Variants in AGPAT3 observed in about 807,000 individuals in gnomAD.
The protein encoded by AGPAT3 is 1-acylglycerol-3-phosphate O-acyltransferase 3.
AGPAT3 carries 5 observed loss-of-function variants against 47.3 expected under a neutral mutation model. The ratio of observed to expected loss-of-function variants is 0.11; its 90% CI spans 0.06 to 0.22. The LOEUF (loss-of-function observed/expected upper bound fraction) is 0.22. Among genes scored for constraint, AGPAT3 ranks in the 10% least tolerant of loss-of-function variants. The pLI is 1.00. For synonymous variants in AGPAT3, 212 were observed against 208.3 expected (o/e 1.02, Z -0.15); for missense variants, 315 against 493.0 (o/e 0.64, Z 3.42).
chr21:43,877,693 C>CT (rs1485772709), intron 1 of AGPAT3, among the ~76,000 whole-genome samples: 1 of 152,168 alleles, frequency 6.6e-6, no homozygotes, highest in Non-Finnish European at 1.5e-5. Flanking sequence ...ATCCGCCCGC[C>CT]TTGGCTTTCC....
intron 7 of AGPAT3, among the ~76,000 whole-genome samples, chr21:43,974,107 T>C (rs996852950): frequency 6.6e-6 from 1 of 151,694 alleles, no homozygotes; most frequent in Non-Finnish European, 1.5e-5. Flanking sequence ...GTGTGTATTA[T>C]GTATGTAGTA....
intron 2 of AGPAT3, among the ~76,000 whole-genome samples, chr21:43,945,538 C>T (rs1454423683): frequency 4.6e-5 from 7 of 152,102 alleles, no homozygotes; most frequent in African/African-American, 1.7e-4. Flanking sequence ...TTCAGGGAAC[C>T]CTGTTTCTGT....
chr21:43,986,697 C>T lies in AGPAT3; in HGVS notation c.*4305C>T, dbSNP rs1034805466. Among the ~76,000 whole-genome samples the T allele has an allele frequency of 6.6e-6, 1 of 152,162 alleles. No homozygotes were observed. The highest frequency in any genetic ancestry group is 6.5e-5 in the Admixed American group (1 of 15,268). On this transcript the variant is annotated 3_prime_UTR_variant, in exon 10 of 10. Transcript: ENST00000291572. ...AGGAAAATCTCTCTCTCTGGAGAAC[C>T]CACACAAACCATTGACCTGAGTGCG...
intron 1 of AGPAT3, among the ~76,000 whole-genome samples, chr21:43,879,682 A>G (rs1013403873): frequency 6.6e-6 from 1 of 152,112 alleles, no homozygotes; most frequent in African/African-American, 2.4e-5. Context: ...GCACAGTGGC[A>G]CGTGGACCTG....
chr21:43,957,810 A>G (rs2088562989), intron 2 of AGPAT3, among the ~76,000 whole-genome samples: 1 of 150,814 alleles, frequency 6.6e-6, no homozygotes, highest in South Asian at 2.1e-4. Flanking sequence ...TTTCCCCTCC[A>G]CACTGGGGTC....
chr21:43,910,282 T>C (rs1381289282), intron 2 of AGPAT3, among the ~76,000 whole-genome samples: 2 of 152,204 alleles, frequency 1.3e-5, no homozygotes, highest in Non-Finnish European at 1.5e-5. Context: ...GGTGCTGGTC[T>C]GCAGAGATTG....
At chr21:43,953,484 GT>G (rs1389741400) in intron 2 of AGPAT3, among the ~76,000 whole-genome samples, 1 of 152,228 alleles carries the variant, frequency 6.6e-6, no homozygotes, top group African/African-American at 2.4e-5. Context: ...AGGCAAGTGA[GT>G]TTTAGATGTT....
At chr21:43,874,992 T>A (rs1247767702) in intron 1 of AGPAT3, among the ~76,000 whole-genome samples, 1 of 152,198 alleles carries the variant, frequency 6.6e-6, no homozygotes. Flanking sequence ...TTTTTTTCTT[T>A]GTTTTTGAGA....
chr21:43,980,974 T>C lies in AGPAT3; in HGVS notation c.844-15T>C. On this transcript the variant is annotated splice_polypyrimidine_tract_variant and intron_variant, in intron 8 of 9. Coordinates refer to ENST00000291572, the MANE Select transcript of AGPAT3 (RefSeq NM_020132.5). ...AGAAGCCTCACGCTTCCTTTTTCTCTGTTGACTCTTCTAGGACGCGCTCCA... is the reference window on the plus strand; with the variant it reads ...AGAAGCCTCACGCTTCCTTTTTCTCCGTTGACTCTTCTAGGACGCGCTCCA... 2 of 1,610,028 alleles carry C rather than the reference T, an allele frequency of 1.2e-6. No individual in the cohort carries two copies. Among genetic ancestry groups the C allele is most frequent in the Middle Eastern group, 1.7e-4 (1 of 6,054 alleles).
chr21:43,893,207 A>G (rs939261774), intron 1 of AGPAT3, among the ~76,000 whole-genome samples: 7 of 152,218 alleles, frequency 4.6e-5, no homozygotes, highest in Admixed American at 4.6e-4. Flanking sequence ...CTTCACCTGC[A>G]CTTTTATGTG....
intron 1 of AGPAT3, among the ~76,000 whole-genome samples, chr21:43,879,139 C>T (rs2085798130): frequency 6.6e-6 from 1 of 152,064 alleles, no homozygotes; most frequent in Admixed American, 6.5e-5. Flanking sequence ...CACTCGAGGT[C>T]AGGAGTTCGA....
At chr21:43,977,841 C>T (rs1569108488) in intron 7 of AGPAT3, among the ~76,000 whole-genome samples, 1 of 151,230 alleles carries the variant, frequency 6.6e-6, no homozygotes, top group South Asian at 2.1e-4. Context: ...GAGCAGAGAT[C>T]GCACCAGTGC....
rs1434677615 is a variant in AGPAT3, at chr21:43,970,452, A to G, written c.511-201A>G. Among the ~76,000 whole-genome samples the G allele has an allele frequency of 6.6e-6, 1 of 151,280 alleles. No homozygotes were observed. Among genetic ancestry groups the G allele is most frequent in the Non-Finnish European group, 1.5e-5 (1 of 67,876 alleles). ...CTGGAGAGCTCTCCTGTGTGAATGA[A>G]CGTGTGTGACTGGAGTGCAGACTGT... On this transcript the variant is annotated intron_variant, in intron 5 of 9. Transcript: ENST00000291572. The surrounding 1 kb of genome is among the most constrained non-coding windows in gnomAD (Gnocchi z 5.8).
chr21:43,926,825 G>A (rs532800471), intron 2 of AGPAT3, among the ~76,000 whole-genome samples: 6 of 151,564 alleles, frequency 4.0e-5, no homozygotes, highest in African/African-American at 1.5e-4. Flanking sequence ...GCTGGGCGTG[G>A]TGGAGCATAC....
intron 1 of AGPAT3, among the ~76,000 whole-genome samples, chr21:43,901,281 C>T (rs1438694311): frequency 1.4e-5 from 2 of 146,962 alleles, no homozygotes; most frequent in African/African-American, 5.1e-5. Context: ...TATGATTATG[C>T]CACTGTACTC....
intron 2 of AGPAT3, 42 bp downstream of exon 2, chr21:43,904,061 T>TGA (rs1168688358): frequency 9.6e-6 from 1 of 103,886 alleles, no homozygotes; most frequent in African/African-American, 4.0e-5. Flanking sequence ...GCGCCGTGTG[T>TGA]GAGAGTGTGT....
chr21:43,872,603 A>G (rs1478227031), intron 1 of AGPAT3, among the ~76,000 whole-genome samples: 1 of 152,166 alleles, frequency 6.6e-6, no homozygotes, highest in African/African-American at 2.4e-5. Flanking sequence ...ATTTATTTGT[A>G]GATTTTGGGG....
intron 1 of AGPAT3, among the ~76,000 whole-genome samples, chr21:43,890,237 C>G (rs1426817466): frequency 6.6e-6 from 1 of 152,058 alleles, no homozygotes; most frequent in Non-Finnish European, 1.5e-5. Flanking sequence ...GGCCCCTCCC[C>G]CTCTGTCTTC....
rs553125263 is a variant in AGPAT3, at chr21:43,908,475, C to T, written c.-49+4456C>T. The stretch of plus-strand genomic sequence containing the variant: ...GTATGACTCGCTCCGTGATTCATAA[C>T]AAGGCATTTGCTTTCCTGGGCCTTG... On this transcript the variant is annotated intron_variant, in intron 2 of 9. Coordinates refer to ENST00000291572, the MANE Select transcript of AGPAT3 (RefSeq NM_020132.5). The surrounding 1 kb of genome is among the most constrained non-coding windows in gnomAD (Gnocchi z 4.9). 2.6e-5 allele frequency among the ~76,000 whole-genome samples: 4 copies of T among 152,304 alleles called. 1 individual carries two copies. In the South Asian group the frequency reaches 8.3e-4, roughly 32 times the overall value.
Sources: gnomAD v4.1 joint callset for allele counts (sites outside exome capture counted in the v4.1 genomes callset) on GRCh38, gnomAD v4.1.1 for gene constraint, Gnocchi (gnomAD v3.1) non-coding constraint, MANE v1.5 for transcripts, NCBI Gene and HGNC (gene_info 2026-07-23, HGNC 2026-07-21) for gene names.